Variants in PREP observed in about 807,000 individuals in gnomAD.
The protein encoded by PREP is prolyl endopeptidase.
A neutral mutation model predicts 87.6 loss-of-function variants in PREP; 29 were observed. The observed-to-expected ratio is 0.33, with a 90% CI of 0.25 to 0.45. The LOEUF is 0.45. PREP is among the 20% of genes least tolerant of loss of function. The pLI, the probability that PREP is intolerant of heterozygous loss-of-function variation, is 1.00. For synonymous variants in PREP, 337 were observed against 328.6 expected, an observed-to-expected ratio of 1.03 and a Z score of -0.28; for missense variants, 695 against 886.5, an observed-to-expected ratio of 0.78 and a Z score of 2.74.
intron 10 of PREP, among the ~76,000 whole-genome samples, chr6:105,295,153 T>G (rs942646244): frequency 2.1e-4 from 14 of 67,658 alleles, no homozygotes; most frequent in Non-Finnish European, 3.4e-4. Flanking sequence ...TTTCCAATGT[T>G]TTCCTTTTTT....
intron 3 of PREP, 67 bp downstream of exon 3, chr6:105,377,319 G>T: frequency 6.7e-7 from 1 of 1,491,480 alleles, no homozygotes; most frequent in Non-Finnish European, 9.1e-7. Flanking sequence ...TCTGGAATTT[G>T]TATTTTACAA....
intron 10 of PREP, among the ~76,000 whole-genome samples, chr6:105,302,986 C>A (rs536208210): frequency 6.6e-6 from 1 of 152,128 alleles, no homozygotes; most frequent in African/African-American, 2.4e-5. Context: ...GCCTTGGCTT[C>A]CAGGACTCCT....
Position 105,360,665 on chromosome 6 carries a change from C to A in PREP, c.718-7588G>T, listed in dbSNP as rs185805359. On this transcript the variant is annotated intron_variant, in intron 6 of 14. Coordinates refer to ENST00000652536, the MANE Select transcript of PREP (RefSeq NM_002726.5). ...TTTATACTTAACTCTATTAGGTTCA[C>A]ATGTACTTGTCTGATAAACGTGTAA... Among the ~76,000 whole-genome samples, 21 of 152,320 alleles carry A rather than the reference C, an allele frequency of 1.4e-4. No individual in the cohort carries two copies. In the East Asian group the frequency reaches 3.7e-3, roughly 27 times the overall value.
chr6:105,387,376 T>C (rs914629419), intron 2 of PREP, among the ~76,000 whole-genome samples: 2 of 152,124 alleles, frequency 1.3e-5, no homozygotes, highest in Admixed American at 6.5e-5. Context: ...GAGTAACTGC[T>C]TACAGAGAAA....
At chr6:105,327,396 T>C (rs74413036) in intron 9 of PREP, among the ~76,000 whole-genome samples, 1,760 of 152,312 alleles carry the variant, frequency 0.012, 30 homozygotes, top group African/African-American at 0.04. Context: ...CACATTCTTG[T>C]GGGTGCTTTT....
intron 7 of PREP, among the ~76,000 whole-genome samples, chr6:105,349,202 A>G (rs908966209): frequency 6.6e-6 from 1 of 152,230 alleles, no homozygotes; most frequent in Non-Finnish European, 1.5e-5. Flanking sequence ...TGTGATCCAC[A>G]GCTTGCAACA....
chr6:105,346,786 TAA>T (rs753105940), intron 7 of PREP, among the ~76,000 whole-genome samples: 58 of 152,350 alleles, frequency 3.8e-4, no homozygotes, highest in Admixed American at 5.9e-4. Flanking sequence ...AGAATTCTAT[TAA>T]AAATCTCTGA....
intron 7 of PREP, among the ~76,000 whole-genome samples, chr6:105,347,078 C>T (rs1771818301): frequency 6.6e-6 from 1 of 152,132 alleles, no homozygotes; most frequent in Non-Finnish European, 1.5e-5. Context: ...GACTAATGGT[C>T]AGCTCCTTTT....
At chr6:105,329,115 T>G (rs1021461367) in intron 8 of PREP, 89 bp from the exon 9 acceptor site, 1 of 1,232,564 alleles carries the variant, frequency 8.1e-7, no homozygotes, top group Non-Finnish European at 1.2e-6. Context: ...GAGCTACACA[T>G]AGGGCTATGC....
At chr6:105,322,837 C>T (rs1287824612) in intron 10 of PREP, 1 of 1,148,778 alleles carries the variant, frequency 8.7e-7, no homozygotes, top group Non-Finnish European at 1.1e-6. Context: ...CATTTCTAGA[C>T]AATTGAAGGG....
At chr6:105,376,566 C>A (rs1287005990) in intron 3 of PREP, among the ~76,000 whole-genome samples, 1 of 152,120 alleles carries the variant, frequency 6.6e-6, no homozygotes, top group Non-Finnish European at 1.5e-5. Context: ...GTAACTTTTT[C>A]TTTTAAATGA....
At chr6:105,293,376 TCA>T (rs1389581859) in intron 10 of PREP, among the ~76,000 whole-genome samples, 1 of 152,140 alleles carries the variant, frequency 6.6e-6, no homozygotes, top group Non-Finnish European at 1.5e-5. Flanking sequence ...TCAATTAAGT[TCA>T]CAGTCTTATA....
chr6:105,331,968 T>C (rs1771346937), intron 8 of PREP, among the ~76,000 whole-genome samples: 1 of 152,072 alleles, frequency 6.6e-6, no homozygotes, highest in South Asian at 2.1e-4. Context: ...GGACTGTGCC[T>C]GGAAATCCAA....
At chr6:105,376,029 C>G in intron 4 of PREP, 96 bp downstream of exon 4, 2 of 1,435,600 alleles carry the variant, frequency 1.4e-6, no homozygotes, top group Non-Finnish European at 1.9e-6. Context: ...TGGTCCACAC[C>G]CTGCCTGGCA....
chr6:105,391,060 C>CACT lies in PREP; in HGVS notation c.120+6792_120+6793insAGT, dbSNP rs1554212310. Among the ~76,000 whole-genome samples, 6 of 140,194 alleles carry CACT rather than the reference C, an allele frequency of 4.3e-5. No individual in the cohort carries two copies. The South Asian group carries it at 1.2e-3, about 27-fold the overall frequency. 92.0% of individuals were successfully genotyped at this position (140,194 alleles called of 152,430 possible). A position where few individuals can be genotyped will look rare whatever the true frequency, so the allele number is the denominator to read the frequency against. ...ACACACACACACACACACACACACA[C>CACT]TTTTTTTTTTTTTTAATTAAGAGAC... On this transcript the variant is annotated intron_variant, in intron 2 of 14. Transcript: ENST00000652536.
At chr6:105,351,719 T>G (rs1771957140) in intron 7 of PREP, among the ~76,000 whole-genome samples, 1 of 152,232 alleles carries the variant, frequency 6.6e-6, no homozygotes, top group African/African-American at 2.4e-5. Context: ...GGCTCAATCT[T>G]AAAAGGTTTG....
intron 7 of PREP, among the ~76,000 whole-genome samples, chr6:105,352,417 T>C (rs201525261): frequency 6.6e-6 from 1 of 152,232 alleles, no homozygotes; most frequent in Admixed American, 6.5e-5. Flanking sequence ...ACACAGGCTG[T>C]TCTTTTCCTA....
Position 105,353,023 on chromosome 6 carries a change from C to T in PREP, c.772G>A (p.Val258Ile). 1 of 1,614,088 alleles carries T rather than the reference C, an allele frequency of 6.2e-7. No individual in the cohort carries two copies. Among genetic ancestry groups the T allele is most frequent in the Non-Finnish European group, 8.5e-7 (1 of 1,180,010 alleles). ...AGGTCACAGTACCAGAGTCGGTTTA[C>T]TGGATCACATCCTTCCCTTATTGAT... is the stretch of plus-strand genomic sequence containing the variant. The part of the protein sequence containing the change: ...LLSIREGCDP[V>I]NRLWYCDLQQ... Residue 258 changes from valine (V) to isoleucine (I), a missense_variant, in exon 7 of 15, where the codon GTA becomes ATA. Coordinates refer to ENST00000652536, the MANE Select transcript of PREP (RefSeq NM_002726.5).
chr6:105,323,850 T>C, intron 9 of PREP, 82 bp from the exon 10 acceptor site: 1 of 1,150,628 alleles, frequency 8.7e-7, no homozygotes. Context: ...CACAACCAAA[T>C]GCCAGCAATG....
Sources: allele counts gnomAD v4.1 joint callset (sites outside exome capture counted in the v4.1 genomes callset), GRCh38; gene constraint gnomAD v4.1.1; transcripts MANE v1.5; gene names NCBI Gene and HGNC (gene_info 2026-07-23, HGNC 2026-07-21).